The following OPCML variants were observed in gnomAD, a reference collection of about 807,000 sequenced individuals.
The protein encoded by OPCML is opioid binding protein/cell adhesion molecule like, also known as opioid-binding protein/cell adhesion molecule.
A neutral mutation model predicts 37.8 loss-of-function variants in OPCML; 13 were observed. The observed-to-expected ratio is 0.34, with a 90% confidence interval of 0.22 to 0.55. The LOEUF (loss-of-function observed/expected upper bound fraction) is 0.55, where lower values mean the gene tolerates loss of function less well. Among genes scored for constraint, OPCML ranks in the 20% least tolerant of loss-of-function variants. The pLI, the probability that OPCML is intolerant of heterozygous loss-of-function variation, is 0.91. For missense variants in OPCML, 341 were observed against 435.6 expected (o/e 0.78, Z 1.93); for synonymous variants, 176 against 168.8 (o/e 1.04, Z -0.33).
At chr11:132,965,874 G>C (rs2062307619) in intron 1 of OPCML, among the ~76,000 whole-genome samples, 1 of 152,100 alleles carries the variant, frequency 6.6e-6, no homozygotes, top group East Asian at 1.9e-4. Context: ...TCTTATTTCT[G>C]TAAGGTCATT....
intron 1 of OPCML, among the ~76,000 whole-genome samples, chr11:133,491,326 A>G (rs1947651579): frequency 6.6e-6 from 1 of 152,184 alleles, no homozygotes; most frequent in South Asian, 2.1e-4. Flanking sequence ...GCCTTGAAAA[A>G]TGTCTCTTTC....
intron 3 of OPCML, among the ~76,000 whole-genome samples, chr11:132,605,504 C>T (rs1038631963): frequency 2.6e-5 from 4 of 152,026 alleles, no homozygotes; most frequent in African/African-American, 9.7e-5. Flanking sequence ...GTGGAGGTTG[C>T]AGTGAGCCAA....
chr11:132,980,041 G>A (rs1364788403), intron 1 of OPCML, among the ~76,000 whole-genome samples: 1 of 152,214 alleles, frequency 6.6e-6, no homozygotes, highest in Non-Finnish European at 1.5e-5. Flanking sequence ...ATTAGTTTTA[G>A]TTGAGTAGAG....
intron 1 of OPCML, among the ~76,000 whole-genome samples, chr11:133,286,182 G>A (rs1942290694): frequency 6.6e-6 from 1 of 152,094 alleles, no homozygotes; most frequent in African/African-American, 2.4e-5. Flanking sequence ...TGGGCGCGGT[G>A]GCTCACGCCT....
At chr11:132,492,376 T>G (rs1219224354) in intron 4 of OPCML, among the ~76,000 whole-genome samples, 1 of 152,072 alleles carries the variant, frequency 6.6e-6, no homozygotes, top group Admixed American at 6.6e-5. Context: ...CTTCAGATTC[T>G]GACACAATCT....
At chr11:132,686,439 T>G (rs897925086) in intron 2 of OPCML, among the ~76,000 whole-genome samples, 1 of 152,220 alleles carries the variant, frequency 6.6e-6, no homozygotes, top group Non-Finnish European at 1.5e-5. Flanking sequence ...GACTGTATAT[T>G]AACTTGCAAA....
intron 1 of OPCML, among the ~76,000 whole-genome samples, chr11:133,235,076 A>G (rs1197943456): frequency 6.6e-6 from 1 of 152,104 alleles, no homozygotes; most frequent in Non-Finnish European, 1.5e-5. Flanking sequence ...GATAAGGGTA[A>G]TCAAATTTCA....
At chr11:132,887,276 T>G (rs2136448626) in intron 2 of OPCML, among the ~76,000 whole-genome samples, 1 of 152,318 alleles carries the variant, frequency 6.6e-6, no homozygotes, top group African/African-American at 2.4e-5. Flanking sequence ...CCTAGGTGTG[T>G]GGTAGGCTAT....
At chr11:132,706,513 T>A (rs1249126818) in intron 2 of OPCML, among the ~76,000 whole-genome samples, 1 of 152,228 alleles carries the variant, frequency 6.6e-6, no homozygotes, top group African/African-American at 2.4e-5. Context: ...GTTGAAATGA[T>A]GTTGCCTGAA....
intron 2 of OPCML, among the ~76,000 whole-genome samples, chr11:132,823,999 G>T (rs749347445): frequency 6.6e-6 from 1 of 152,102 alleles, no homozygotes; most frequent in Non-Finnish European, 1.5e-5. Context: ...CTGTCTAATT[G>T]CTGGAGTGCC....
At chr11:132,575,290 G>A (rs958081005) in intron 3 of OPCML, among the ~76,000 whole-genome samples, 1 of 151,910 alleles carries the variant, frequency 6.6e-6, no homozygotes, top group Non-Finnish European at 1.5e-5. Context: ...TTTGTTAGTT[G>A]TTTTATTTTA....
chr11:133,386,642 C>A (rs375283477), intron 1 of OPCML, among the ~76,000 whole-genome samples: 40 of 152,306 alleles, frequency 2.6e-4, no homozygotes, highest in East Asian at 9.7e-4. Context: ...TTTAAGTCTC[C>A]CTGTTTGTTT....
At chr11:133,204,880 A>ATATATATATATATATATGTG (rs1938979135) in intron 1 of OPCML, among the ~76,000 whole-genome samples, 1 of 26,340 alleles carries the variant, frequency 3.8e-5, no homozygotes, top group Non-Finnish European at 9.1e-5. Flanking sequence ...ATATATATAT[A>ATATATATATATATATATGTG]TATATATATA....
intron 2 of OPCML, among the ~76,000 whole-genome samples, chr11:132,921,776 A>T (rs940588743): frequency 6.6e-6 from 1 of 152,212 alleles, no homozygotes; most frequent in African/African-American, 2.4e-5. Flanking sequence ...GTCATCTTGT[A>T]GCCATAAAAG....
intron 1 of OPCML, among the ~76,000 whole-genome samples, chr11:133,088,842 A>G (rs1948859133): frequency 1.3e-5 from 2 of 152,224 alleles, no homozygotes; most frequent in Non-Finnish European, 2.9e-5. Context: ...AACGGGGAGA[A>G]TAAGTAATCA....
intron 4 of OPCML, among the ~76,000 whole-genome samples, chr11:132,471,688 G>C (rs1423471102): frequency 6.6e-6 from 1 of 152,192 alleles, no homozygotes; most frequent in African/African-American, 2.4e-5. Context: ...AATGACACAA[G>C]GCCATGCATT....
chr11:133,232,218 G>T (rs1027734875), intron 1 of OPCML, among the ~76,000 whole-genome samples: 1 of 152,026 alleles, frequency 6.6e-6, no homozygotes, highest in African/African-American at 2.4e-5. Context: ...TTTCTAGTGT[G>T]GGCAGCTCCG....
At chr11:132,879,378 T>C (rs1057065790) in intron 2 of OPCML, among the ~76,000 whole-genome samples, 2 of 152,216 alleles carry the variant, frequency 1.3e-5, no homozygotes, top group African/African-American at 4.8e-5. Flanking sequence ...CTCACAGTTT[T>C]TCAGAAATCA....
At chr11:133,179,462 C>T (rs1427501167) in intron 1 of OPCML, among the ~76,000 whole-genome samples, 2 of 152,148 alleles carry the variant, frequency 1.3e-5, no homozygotes, top group Non-Finnish European at 2.9e-5. Context: ...CTCCTCACCA[C>T]TCTACAGGGG....
Sources: gnomAD v4.1 joint callset for allele counts (sites outside exome capture counted in the v4.1 genomes callset) on GRCh38, gnomAD v4.1.1 for gene constraint, MANE v1.5 for transcripts, NCBI Gene and HGNC (gene_info 2026-07-23, HGNC 2026-07-21) for gene names.